Variants in BICRAL observed in about 807,000 individuals in gnomAD.
BICRAL encodes BRD4-interacting chromatin-remodeling complex-associated protein-like.
Under a neutral mutation model 91.8 loss-of-function variants are expected in BICRAL, and 8 were observed. That is an observed-to-expected ratio of 0.09 (90% CI 0.05 to 0.16). The LOEUF (loss-of-function observed/expected upper bound fraction) is 0.16. BICRAL is among the 10% of genes least tolerant of loss of function. BICRAL has a pLI of 1.00. For missense variants in BICRAL, 1,038 were observed against 1,310.9 expected (o/e 0.79, Z 3.21); for synonymous variants, 445 against 491.1 (o/e 0.91, Z 1.24).
At chr6:42,785,573 A>G (rs1372361679) in intron 1 of BICRAL, among the ~76,000 whole-genome samples, 2 of 151,990 alleles carry the variant, frequency 1.3e-5, no homozygotes, top group Non-Finnish European at 2.9e-5. Flanking sequence ...AAAAAAAAAA[A>G]AAAGAATTGA....
intron 1 of BICRAL, among the ~76,000 whole-genome samples, chr6:42,754,297 G>A (rs1762425511): frequency 6.6e-6 from 1 of 151,378 alleles, no homozygotes; most frequent in South Asian, 2.1e-4. Flanking sequence ...TCAGCCTCCC[G>A]AGTAGCTGGG....
At chr6:42,765,390 G>C (rs770921717) in intron 1 of BICRAL, among the ~76,000 whole-genome samples, 1 of 152,176 alleles carries the variant, frequency 6.6e-6, no homozygotes, top group Non-Finnish European at 1.5e-5. Flanking sequence ...ATGACATGTA[G>C]TAATTTGAAA....
At chr6:42,843,958 C>T (rs958119599) in intron 6 of BICRAL, among the ~76,000 whole-genome samples, 22 of 149,820 alleles carry the variant, frequency 1.5e-4, no homozygotes, top group Admixed American at 5.3e-4. Context: ...GTCACCATGC[C>T]GGCTAATTTT....
At chr6:42,796,697 G>T (rs1362810951) in intron 1 of BICRAL, among the ~76,000 whole-genome samples, 1 of 152,022 alleles carries the variant, frequency 6.6e-6, no homozygotes, top group Non-Finnish European at 1.5e-5. Context: ...GATTCTGGAT[G>T]TTTTTTTGAA....
chr6:42,757,383 C>T (rs1762478196), intron 1 of BICRAL, among the ~76,000 whole-genome samples: 1 of 152,028 alleles, frequency 6.6e-6, no homozygotes, highest in African/African-American at 2.4e-5. Context: ...TCCTGAGTAG[C>T]TGAGACTATA....
At chr6:42,851,519 TC>T (rs1307981886) in intron 6 of BICRAL, among the ~76,000 whole-genome samples, 22 of 152,210 alleles carry the variant, frequency 1.4e-4, no homozygotes, top group Admixed American at 1.4e-3. Flanking sequence ...TATATTTTGC[TC>T]AGGCTAATAT....
At chr6:42,781,508 T>TA (rs948224514), upstream of BICRAL, among the ~76,000 whole-genome samples, 35 of 150,862 alleles carry the variant, frequency 2.3e-4, no homozygotes, top group African/African-American at 8.3e-4. Context: ...TTGCTCTAAT[T>TA]AGAGTTCTAA....
intron 1 of BICRAL, among the ~76,000 whole-genome samples, chr6:42,753,424 G>A (rs77262091): frequency 1.1e-4 from 16 of 152,042 alleles, no homozygotes; most frequent in African/African-American, 3.9e-4. Context: ...TTGCCTTGTT[G>A]GGATGGTCAT....
upstream of BICRAL, among the ~76,000 whole-genome samples, chr6:42,779,662 T>C (rs781107241): frequency 2.2e-4 from 33 of 152,286 alleles, no homozygotes; most frequent in Admixed American, 1.1e-3. Flanking sequence ...GAACAAGATA[T>C]AGTGTTTTTC....
intron 6 of BICRAL, among the ~76,000 whole-genome samples, chr6:42,842,877 G>A (rs1355429915): frequency 7.3e-6 from 1 of 137,692 alleles, no homozygotes; most frequent in East Asian, 2.1e-4. Context: ...TTTTTTAGAT[G>A]GAGTCTTGCT....
chr6:42,807,046 G>C (rs1763728009), intron 1 of BICRAL, among the ~76,000 whole-genome samples: 1 of 151,840 alleles, frequency 6.6e-6, no homozygotes, highest in East Asian at 2.0e-4. Flanking sequence ...GGCCAGGCTG[G>C]TCTTGAACTC....
intron 2 of BICRAL, among the ~76,000 whole-genome samples, chr6:42,814,240 T>C (rs74404898): frequency 6.8e-6 from 1 of 146,132 alleles, no homozygotes; most frequent in Non-Finnish European, 1.5e-5. Context: ...GGTGGGTTTT[T>C]TTTTTTTTTT....
At chr6:42,824,582 G>A (rs1764235995) in intron 5 of BICRAL, among the ~76,000 whole-genome samples, 1 of 152,130 alleles carries the variant, frequency 6.6e-6, no homozygotes, top group South Asian at 2.1e-4. Flanking sequence ...GATCTCAAGT[G>A]ATCCCCGCCC....
At chr6:42,752,912 C>CTTTT (rs57864510) in intron 1 of BICRAL, among the ~76,000 whole-genome samples, 15 of 82,200 alleles carry the variant, frequency 1.8e-4, no homozygotes, top group Admixed American at 6.0e-4. Flanking sequence ...CCCCAGCTGA[C>CTTTT]TTTTTTTTTT....
intron 6 of BICRAL, among the ~76,000 whole-genome samples, chr6:42,845,139 A>AGATAAAG (rs1190894348): frequency 1.5e-5 from 2 of 134,982 alleles, no homozygotes; most frequent in African/African-American, 5.5e-5. Context: ...GGTAAATTTG[A>AGATAAAG]GATAAAGACT....
chr6:42,814,529 T>A (rs1371625062), intron 2 of BICRAL, among the ~76,000 whole-genome samples: 188 of 127,872 alleles, frequency 1.5e-3, no homozygotes, highest in East Asian at 4.3e-3. Context: ...ATTTTTTTTT[T>A]TTTTTTTTTT....
intron 1 of BICRAL, among the ~76,000 whole-genome samples, chr6:42,755,071 G>C (rs147647965): frequency 6.6e-6 from 1 of 152,186 alleles, no homozygotes; most frequent in African/African-American, 2.4e-5. Flanking sequence ...AGACAGTGAG[G>C]TCTCATGCTG....
rs1285625883 is a variant in BICRAL at position 42,855,839 on chromosome 6, G to A, written c.2047-17G>A. ...TTTCTATAAAAGGGAATAATAAGAGGTTTGTTTTGTCTTTAGGTGGAGAGT... is the reference window on the plus strand; with the variant it reads ...TTTCTATAAAAGGGAATAATAAGAGATTTGTTTTGTCTTTAGGTGGAGAGT... On this transcript the variant is annotated splice_polypyrimidine_tract_variant and intron_variant, in intron 8 of 12. Coordinates refer to ENST00000314073, the MANE Select transcript of BICRAL (RefSeq NM_001393499.1). 5 of 1,604,614 alleles carry A rather than the reference G, an allele frequency of 3.1e-6. No homozygotes were observed. Among genetic ancestry groups the A allele is most frequent in the Non-Finnish European group, 4.3e-6 (5 of 1,171,748 alleles).
intron 1 of BICRAL, among the ~76,000 whole-genome samples, chr6:42,798,829 G>A (rs1164261126): frequency 6.6e-6 from 1 of 152,146 alleles, no homozygotes; most frequent in Non-Finnish European, 1.5e-5. Flanking sequence ...CTACCCCATA[G>A]GCAGCATGCC....
Sources: allele counts gnomAD v4.1 joint callset (sites outside exome capture counted in the v4.1 genomes callset), GRCh38; gene constraint gnomAD v4.1.1; transcripts MANE v1.5; gene names NCBI Gene and HGNC (gene_info 2026-07-23, HGNC 2026-07-21).